SLC25A28: variants seen among roughly 807,000 people sequenced by gnomAD.
SLC25A28 encodes solute carrier family 25 member 28.
SLC25A28 carries 10 observed loss-of-function variants against 31.9 expected under a neutral mutation model. That is an observed-to-expected ratio of 0.31 (90% CI 0.19 to 0.53). The LOEUF (loss-of-function observed/expected upper bound fraction) is 0.53, where lower values mean the gene tolerates loss of function less well. SLC25A28 is among the 20% of genes least tolerant of loss of function. The pLI is 0.95. For missense variants in SLC25A28, 256 were observed against 490.3 expected, an observed-to-expected ratio of 0.52 and a Z score of 4.51; for synonymous variants, 208 against 203.6, an observed-to-expected ratio of 1.02 and a Z score of -0.19.
At chr10:99,639,559 A>T in the SLC25A28 span, among the ~76,000 whole-genome samples, 2 of 152,114 alleles carry the variant, frequency 1.3e-5, no homozygotes, top group Admixed American at 6.5e-5. Context: ...CTAAAAAAAA[A>T]TTCCCTGGAG....
At chr10:99,654,204 A>T in the SLC25A28 span, among the ~76,000 whole-genome samples, 2 of 152,212 alleles carry the variant, frequency 1.3e-5, no homozygotes, top group Non-Finnish European at 2.9e-5. Flanking sequence ...AGACATTGAA[A>T]GCCACACATA....
At chr10:99,632,874 T>C in the SLC25A28 span, among the ~76,000 whole-genome samples, 2 of 152,222 alleles carry the variant, frequency 1.3e-5, no homozygotes, top group Non-Finnish European at 2.9e-5. Context: ...TGACTTTGTA[T>C]CATAAATAGT....
At chr10:99,624,007 T>C (rs983542116), upstream of SLC25A28, among the ~76,000 whole-genome samples, 5 of 152,214 alleles carry the variant, frequency 3.3e-5, no homozygotes, top group African/African-American at 1.2e-4. Flanking sequence ...TCTGTAGGTC[T>C]GGTTGGGGCC....
At chr10:99,635,683 A>AAC in the SLC25A28 span, among the ~76,000 whole-genome samples, 1 of 151,668 alleles carries the variant, frequency 6.6e-6, no homozygotes, top group Non-Finnish European at 1.5e-5. Flanking sequence ...ATCTCAAAAA[A>AAC]AAAAAGAGCT....
At chr10:99,641,759 G>A in the SLC25A28 span, among the ~76,000 whole-genome samples, 1 of 152,250 alleles carries the variant, frequency 6.6e-6, no homozygotes, top group South Asian at 2.1e-4. Context: ...TGTAAGGAAG[G>A]GATCCAGTTT....
the SLC25A28 span, among the ~76,000 whole-genome samples, chr10:99,656,186 G>C: frequency 1.3e-5 from 2 of 152,172 alleles, no homozygotes; most frequent in Non-Finnish European, 2.9e-5. Flanking sequence ...TTTAGATCAG[G>C]AAGTAGCATG....
chr10:99,648,465 A>ATT, the SLC25A28 span, among the ~76,000 whole-genome samples: 2 of 151,810 alleles, frequency 1.3e-5, no homozygotes, highest in African/African-American at 4.8e-5. Context: ...GAATTTTAGG[A>ATT]TTTTTTTATA....
At chr10:99,658,059 C>T in the SLC25A28 span, among the ~76,000 whole-genome samples, 6 of 152,192 alleles carry the variant, frequency 3.9e-5, no homozygotes, top group East Asian at 9.7e-4. Context: ...CATGGTGGCA[C>T]GTGCCTGTAG....
At chr10:99,612,774 T>G (rs1365927487) in intron 2 of SLC25A28, 175 bp from the exon 3 acceptor site, 1 of 683,342 alleles carries the variant, frequency 1.5e-6, no homozygotes, top group Non-Finnish European at 2.6e-6. Flanking sequence ...GAAGGTAAAG[T>G]ATCTGTTCCC....
chr10:99,621,123 G>A (rs2034784564), upstream of SLC25A28: 2 of 391,460 alleles, frequency 5.1e-6, no homozygotes, highest in Non-Finnish European at 7.0e-6. Context: ...TGCGACATGC[G>A]GGCTGGGAAC....
At chr10:99,632,867 C>T in the SLC25A28 span, among the ~76,000 whole-genome samples, 4 of 152,288 alleles carry the variant, frequency 2.6e-5, no homozygotes, top group African/African-American at 9.6e-5. Flanking sequence ...GTTGCATTGA[C>T]TTTGTATCAT....
rs570310629 is a variant in SLC25A28 at position 99,619,019 on chromosome 10, T to A, written c.291+1026A>T. On this transcript the variant is annotated intron_variant, in intron 1 of 3. Transcript: ENST00000370495. ...TCAACAGTCCCCTCTAGTTTACCTC[T>A]CCCTCAATTCAGTCCTCACCTTTAA... The A allele has an allele frequency of 1.2e-5, 12 of 985,440 alleles. No individual in the cohort carries two copies. In the African/African-American group the frequency reaches 2.1e-4, roughly 17 times the overall value. 61.0% of individuals were successfully genotyped at this position (985,440 alleles called of 1,614,324 possible).
upstream of SLC25A28, among the ~76,000 whole-genome samples, chr10:99,622,925 C>G (rs2034822532): frequency 6.6e-6 from 1 of 152,020 alleles, no homozygotes; most frequent in African/African-American, 2.4e-5. Context: ...AGTCCATGTT[C>G]TCATGGAGCT....
upstream of SLC25A28, chr10:99,622,677 A>G (rs2034818857): frequency 1.0e-6 from 1 of 985,450 alleles, no homozygotes; most frequent in Non-Finnish European, 1.2e-6. Context: ...TACCTTTTAG[A>G]CATCTCAGTC....
chr10:99,652,482 A>G, the SLC25A28 span, among the ~76,000 whole-genome samples: 1 of 152,142 alleles, frequency 6.6e-6, no homozygotes, highest in Non-Finnish European at 1.5e-5. Flanking sequence ...GAATTAGGCC[A>G]TGTGCCCACT....
In SLC25A28 at chr10:99,611,523, C is replaced by G; in HGVS notation, c.578-157G>C. The stretch of plus-strand genomic sequence containing the variant: ...TGGCTAACCTGAGAAGTCAGCTTCC[C>G]TTTTTTGAGGGGAAGGAGTAAGCAG... On this transcript the variant is annotated intron_variant, in intron 3 of 3. Transcript: ENST00000370495. This position sits in a 1 kb window ranked among gnomAD's most constrained non-coding sequence, Gnocchi z 5.5. 1 of 897,890 alleles carries G rather than the reference C, an allele frequency of 1.1e-6. No homozygotes were observed. The highest frequency in any genetic ancestry group is 1.7e-5 in the South Asian group (1 of 57,848). The allele number at this position is 897,890 out of a possible 1,614,324, so 55.6% of individuals were successfully genotyped here.
At chr10:99,623,910 A>T (rs546190297), upstream of SLC25A28, among the ~76,000 whole-genome samples, 1 of 152,350 alleles carries the variant, frequency 6.6e-6, no homozygotes, top group East Asian at 1.9e-4. Flanking sequence ...TTTTAGGATT[A>T]TTCCACACCA....
intron 1 of SLC25A28, among the ~76,000 whole-genome samples, 169 bp downstream of exon 1, chr10:99,619,876 C>A (rs2034742327): frequency 6.6e-6 from 1 of 152,238 alleles, no homozygotes; most frequent in South Asian, 2.1e-4. Context: ...GGATCAACTC[C>A]CAGCTGGGAC....
At chr10:99,646,585 T>G in the SLC25A28 span, among the ~76,000 whole-genome samples, 1 of 152,220 alleles carries the variant, frequency 6.6e-6, no homozygotes. Context: ...TCCAGTGAGA[T>G]GAACCCAGTA....
Sources: allele counts gnomAD v4.1 joint callset (sites outside exome capture counted in the v4.1 genomes callset), GRCh38; gene constraint gnomAD v4.1.1; non-coding constraint Gnocchi (gnomAD v3.1); transcripts MANE v1.5; gene names NCBI Gene and HGNC (gene_info 2026-07-23, HGNC 2026-07-21).